The following ZDHHC15 variants were observed in gnomAD, a reference collection of about 807,000 sequenced individuals.
The protein encoded by ZDHHC15 is zDHHC palmitoyltransferase 15.
A neutral mutation model predicts 31.7 loss-of-function variants in ZDHHC15; 19 were observed. The ratio of observed to expected loss-of-function variants is 0.60; its 90% CI spans 0.42 to 0.88. ZDHHC15 has a LOEUF of 0.88. ZDHHC15 is among the 40% of genes least tolerant of loss of function. The pLI, the probability that ZDHHC15 is intolerant of heterozygous loss-of-function variation, is 0.00. For missense variants in ZDHHC15, 209 were observed against 251.2 expected, an observed-to-expected ratio of 0.83 and a Z score of 1.14; for synonymous variants, 103 against 90.0, an observed-to-expected ratio of 1.14 and a Z score of -0.82.
chrX:75,385,980 C>T (rs1268040719), intron 10 of ZDHHC15, among the ~76,000 whole-genome samples: 1 of 111,908 alleles, frequency 8.9e-6, no homozygotes, highest in Non-Finnish European at 1.9e-5. Flanking sequence ...TGCCTGAACA[C>T]CCCTTCTGGG....
intron 10 of ZDHHC15, among the ~76,000 whole-genome samples, chrX:75,410,832 C>A (rs1467953048): frequency 1.8e-5 from 2 of 112,119 alleles, no homozygotes; most frequent in Non-Finnish European, 3.8e-5. Context: ...AATATTAGAA[C>A]CAACTTAAAT....
At chrX:75,405,464 A>G (rs1307926392) in intron 10 of ZDHHC15, among the ~76,000 whole-genome samples, 3 of 111,836 alleles carry the variant, frequency 2.7e-5, no homozygotes, top group Admixed American at 9.5e-5. Context: ...ATAAGTACAT[A>G]AATGGAAAAT....
At chrX:75,458,335 G>A (rs1489849841) in intron 3 of ZDHHC15, among the ~76,000 whole-genome samples, 4 of 111,493 alleles carry the variant, frequency 3.6e-5, no homozygotes, top group African/African-American at 1.3e-4. Context: ...AAAGAGGCAT[G>A]AAGATTTATG....
In ZDHHC15 at chrX:75,389,415, G is replaced by A. The variant is rs191164964; in HGVS notation, c.968-10217C>T. ...TTGCTTGTGTAACCCCTCCCACAAC[G>A]TCAGGCAGTGCAGCTTGCAGCTCTA... On this transcript the variant is annotated intron_variant, in intron 10 of 11. Transcript: ENST00000373367. 2.6e-4 allele frequency among the ~76,000 whole-genome samples: 28 copies of A among 109,417 alleles called. No homozygotes were observed. The South Asian group carries it at 3.3e-3, about 13-fold the overall frequency.
At chrX:75,373,926 G>GTTTTTTGTTTTTTT (rs2083027962) in intron 11 of ZDHHC15, among the ~76,000 whole-genome samples, 1 of 50,456 alleles carries the variant, frequency 2.0e-5, no homozygotes, top group Non-Finnish European at 3.4e-5. Flanking sequence ...CATTCTTTCT[G>GTTTTTTGTTTTTTT]TTTTTTTTTT....
chrX:75,386,213 G>C (rs1350253569), intron 10 of ZDHHC15, among the ~76,000 whole-genome samples: 1 of 111,370 alleles, frequency 9.0e-6, no homozygotes, highest in Non-Finnish European at 1.9e-5. Context: ...GAATATACTA[G>C]AGTCTGATGT....
At chrX:75,513,519 G>A (rs767514424) in intron 1 of ZDHHC15, among the ~76,000 whole-genome samples, 2 of 111,184 alleles carry the variant, frequency 1.8e-5, no homozygotes, top group South Asian at 7.6e-4. Context: ...TAAAGTGGCT[G>A]CCTACCATCC....
intron 10 of ZDHHC15, among the ~76,000 whole-genome samples, chrX:75,394,434 GA>G (rs372850093): frequency 1.7e-4 from 17 of 98,653 alleles, no homozygotes; most frequent in South Asian, 4.5e-4. Context: ...CTGAATGGAT[GA>G]AAAAAAAAAA....
Position 75,489,770 on chromosome X carries a change from C to G in ZDHHC15, c.164-10785G>C, listed in dbSNP as rs759881999. Among the ~76,000 whole-genome samples the G allele has an allele frequency of 2.6e-4, 29 of 112,142 alleles. No homozygotes were observed. In the Admixed American group the frequency reaches 2.7e-3, roughly 10 times the overall value. On this transcript the variant is annotated intron_variant, in intron 2 of 11. Coordinates refer to ENST00000373367, the MANE Select transcript of ZDHHC15 (RefSeq NM_144969.3). ...GACTTTGACGAGTTGAGAGAAGAAG[C>G]CTTCAGACAATCGAACTACTCCGAG...
intron 1 of ZDHHC15, among the ~76,000 whole-genome samples, chrX:75,508,792 C>T (rs1244204881): frequency 9.0e-6 from 1 of 110,997 alleles, no homozygotes; most frequent in Non-Finnish European, 1.9e-5. Context: ...TATTTCTCCA[C>T]ATCCTCTCCA....
chrX:75,429,912 C>T (rs748657556), intron 6 of ZDHHC15, 36 bp downstream of exon 6: 5 of 1,189,052 alleles, frequency 4.2e-6, no homozygotes, highest in East Asian at 6.0e-5. Context: ...CAACTTTGAC[C>T]CCTTTAGAGG....
chrX:75,440,113 G>T (rs1182957380), intron 4 of ZDHHC15, among the ~76,000 whole-genome samples: 2 of 111,624 alleles, frequency 1.8e-5, no homozygotes, highest in African/African-American at 6.5e-5. Flanking sequence ...CTTGACTGTA[G>T]ATTTTTTTAT....
At chrX:75,475,616 C>T (rs1338017033) in intron 3 of ZDHHC15, among the ~76,000 whole-genome samples, 2 of 111,820 alleles carry the variant, frequency 1.8e-5, no homozygotes, top group Non-Finnish European at 3.8e-5. Flanking sequence ...GTTTTGATTA[C>T]TGTAGCTTTG....
At chrX:75,428,808 G>A (rs188616328) in intron 7 of ZDHHC15, among the ~76,000 whole-genome samples, 1 of 111,762 alleles carries the variant, frequency 8.9e-6, no homozygotes, top group Non-Finnish European at 1.9e-5. Context: ...ACATTGTAAA[G>A]AATCAATAGG....
intron 2 of ZDHHC15, 137 bp from the exon 3 acceptor site, chrX:75,479,122 T>G (rs2084650890): frequency 9.7e-6 from 4 of 410,418 alleles, no homozygotes; most frequent in South Asian, 6.5e-5. Context: ...AAGTGTTAAT[T>G]TTATTTTCCC....
At chrX:75,435,969 C>G (rs2083845775) in intron 4 of ZDHHC15, among the ~76,000 whole-genome samples, 1 of 111,306 alleles carries the variant, frequency 9.0e-6, no homozygotes, top group African/African-American at 3.3e-5. Context: ...ATCCATCTGG[C>G]CCTGGACTTT....
At chrX:75,377,504 A>T (rs374823277) in intron 11 of ZDHHC15, among the ~76,000 whole-genome samples, 1,209 of 105,477 alleles carry the variant, frequency 0.011, 16 homozygotes, top group African/African-American at 0.037. Flanking sequence ...TCAAAAAAAA[A>T]ATATATATAT....
chrX:75,508,470 C>T (rs756415959), intron 1 of ZDHHC15, among the ~76,000 whole-genome samples: 1 of 108,836 alleles, frequency 9.2e-6, no homozygotes, highest in South Asian at 4.2e-4. Flanking sequence ...CTACAAAGGA[C>T]ATGAACTCAT....
intron 1 of ZDHHC15, among the ~76,000 whole-genome samples, chrX:75,513,349 C>A (rs2085304730): frequency 8.9e-6 from 1 of 111,992 alleles, no homozygotes; most frequent in Non-Finnish European, 1.9e-5. Flanking sequence ...GTACTCCAGA[C>A]TTACATCCCT....
Sources: allele counts gnomAD v4.1 joint callset (sites outside exome capture counted in the v4.1 genomes callset), GRCh38; gene constraint gnomAD v4.1.1; transcripts MANE v1.5; gene names NCBI Gene and HGNC (gene_info 2026-07-23, HGNC 2026-07-21).